Variants in TENM3 observed in about 807,000 individuals in gnomAD.
TENM3 encodes the protein teneurin-3.
In TENM3, 63 loss-of-function variants were observed where a neutral mutation model predicts 255.1. That is an observed-to-expected ratio of 0.25 (90% CI 0.20 to 0.30). TENM3 has a LOEUF of 0.30. Ranked by LOEUF, TENM3 falls within the 10% of genes least tolerant of loss-of-function variation. The pLI is 1.00. For synonymous variants in TENM3, 1,306 were observed against 1,322.3 expected (o/e 0.99, Z 0.27); for missense variants, 2,929 against 3,461.1 (o/e 0.85, Z 3.86).
chr4:182,160,614 G>C (rs1234935385), intron 1 of TENM3, among the ~76,000 whole-genome samples: 1 of 152,124 alleles, frequency 6.6e-6, no homozygotes, highest in African/African-American at 2.4e-5. Context: ...GTAGGATCTC[G>C]CTCACATGTG....
intron 1 of TENM3, among the ~76,000 whole-genome samples, chr4:182,274,872 A>G (rs1364864759): frequency 3.3e-5 from 5 of 152,174 alleles, no homozygotes; most frequent in Non-Finnish European, 2.9e-5. Context: ...CGCCCAGGCT[A>G]GGGTACAGTG....
intron 3 of TENM3, among the ~76,000 whole-genome samples, chr4:182,403,752 G>A (rs1254400740): frequency 6.6e-6 from 1 of 152,070 alleles, no homozygotes; most frequent in Admixed American, 6.6e-5. Context: ...TTTATTTTGG[G>A]GATGGGGTCA....
In TENM3 at chr4:182,161,652, T is replaced by TAC. The variant is rs1168624045; in HGVS notation, c.-76+16908_-76+16909dup. On this transcript the variant is annotated intron_variant, in intron 1 of 2. Transcript: ENST00000512480. ...AAATATATATATGTATATATATATATACACACACACAAATATATATATGTA... is the reference window on the plus strand; with the variant it reads ...AAATATATATATGTATATATATATATACACACACACACAAATATATATATGTA... 4.0e-3 allele frequency among the ~76,000 whole-genome samples: 306 copies of TAC among 75,592 alleles called. 9 individuals are homozygous for TAC. The highest frequency in any genetic ancestry group is 0.014 in the African/African-American group (261 of 18,756). The allele number at this position is 75,592 out of a possible 152,430, so 49.6% of individuals were successfully genotyped here. A position where few individuals can be genotyped will look rare whatever the true frequency, so the allele number is the denominator to read the frequency against.
chr4:182,165,962 T>G (rs1409349187), intron 1 of TENM3, among the ~76,000 whole-genome samples: 3 of 152,110 alleles, frequency 2.0e-5, no homozygotes, highest in Non-Finnish European at 2.9e-5. Flanking sequence ...GTCTTTTTAG[T>G]AGAGACGGGG....
chr4:182,478,066 TATTA>T (rs1357095177), intron 3 of TENM3, among the ~76,000 whole-genome samples: 1 of 152,118 alleles, frequency 6.6e-6, no homozygotes, highest in Non-Finnish European at 1.5e-5. Context: ...CAAATCTGAA[TATTA>T]ATTTAGCTTA....
the TENM3 span, among the ~76,000 whole-genome samples, chr4:181,792,608 T>G: frequency 1.3e-5 from 2 of 152,350 alleles, no homozygotes; most frequent in African/African-American, 4.8e-5. Context: ...TGGGCAATTA[T>G]TTATGAGTAA....
chr4:181,989,470 A>G, the TENM3 span, among the ~76,000 whole-genome samples: 1 of 152,136 alleles, frequency 6.6e-6, no homozygotes, highest in African/African-American at 2.4e-5. Context: ...ATCTTTAGAA[A>G]TTTTCTTTAA....
At chr4:181,751,240 G>A in the TENM3 span, among the ~76,000 whole-genome samples, 3 of 151,864 alleles carry the variant, frequency 2.0e-5, no homozygotes, top group Non-Finnish European at 4.4e-5. Flanking sequence ...GTTAATTTAG[G>A]GACTGGAAAA....
chr4:182,268,790 G>T (rs1482760050), intron 1 of TENM3, among the ~76,000 whole-genome samples: 1 of 152,088 alleles, frequency 6.6e-6, no homozygotes, highest in Non-Finnish European at 1.5e-5. Context: ...GGTCTAAAAA[G>T]GGGAGGCATT....
At chr4:181,594,229 C>T in the TENM3 span, among the ~76,000 whole-genome samples, 1 of 152,136 alleles carries the variant, frequency 6.6e-6, no homozygotes, top group Non-Finnish European at 1.5e-5. Context: ...GAATTATCTA[C>T]ATGACCCAAT....
the TENM3 span, among the ~76,000 whole-genome samples, chr4:181,713,598 C>T: frequency 6.6e-6 from 1 of 152,056 alleles, no homozygotes; most frequent in African/African-American, 2.4e-5. Context: ...CTTAGTACCA[C>T]CTGCCCTCGA....
intron 10 of TENM3, among the ~76,000 whole-genome samples, chr4:182,681,471 A>G (rs960471310): frequency 1.3e-5 from 2 of 152,170 alleles, no homozygotes; most frequent in Admixed American, 1.3e-4. Flanking sequence ...AGCTGTCAGT[A>G]CTCAGTGGTC....
chr4:182,501,897 T>C (rs568921762), intron 3 of TENM3, among the ~76,000 whole-genome samples: 1 of 152,324 alleles, frequency 6.6e-6, no homozygotes, highest in South Asian at 2.1e-4. Context: ...TTGAGCATGT[T>C]CTTGAGTCTT....
the TENM3 span, among the ~76,000 whole-genome samples, chr4:181,748,215 G>A: frequency 6.6e-6 from 1 of 152,000 alleles, no homozygotes; most frequent in Admixed American, 6.6e-5. Flanking sequence ...TAAATTCCTA[G>A]ATAAATTTGA....
chr4:181,771,631 T>C, the TENM3 span, among the ~76,000 whole-genome samples: 1 of 152,242 alleles, frequency 6.6e-6, no homozygotes, highest in African/African-American at 2.4e-5. Context: ...AACCAACTCG[T>C]CTCTGTTCCC....
chr4:182,342,302 T>C (rs1405804693), intron 2 of TENM3, among the ~76,000 whole-genome samples: 7 of 152,182 alleles, frequency 4.6e-5, no homozygotes, highest in Non-Finnish European at 5.9e-5. Flanking sequence ...TATTCAGCCA[T>C]AAACAGGAAT....
chr4:181,530,085 T>C, the TENM3 span, among the ~76,000 whole-genome samples: 1 of 152,224 alleles, frequency 6.6e-6, no homozygotes, highest in Admixed American at 6.5e-5. Flanking sequence ...TACATTTTAA[T>C]TTATGCTCCA....
At chr4:181,605,566 GAAAGA>G in the TENM3 span, among the ~76,000 whole-genome samples, 53 of 28,626 alleles carry the variant, frequency 1.9e-3, 6 homozygotes, top group African/African-American at 3.6e-3. Context: ...AAGAAAGAAA[GAAAGA>G]GAGAGAAAGA....
the TENM3 span, among the ~76,000 whole-genome samples, chr4:182,061,542 C>T: frequency 2.6e-5 from 4 of 152,060 alleles, no homozygotes; most frequent in Admixed American, 2.0e-4. Context: ...TCCCCTCCTC[C>T]GAAACTTTAT....
Sources: allele counts gnomAD v4.1 joint callset (sites outside exome capture counted in the v4.1 genomes callset), GRCh38; gene constraint gnomAD v4.1.1; transcripts MANE v1.5; gene names NCBI Gene and HGNC (gene_info 2026-07-23, HGNC 2026-07-21).